PECAM1: variants seen among roughly 807,000 people sequenced by gnomAD.
The protein encoded by PECAM1 is platelet endothelial cell adhesion molecule.
In PECAM1, 8 loss-of-function variants were observed where a neutral mutation model predicts 13.8. The observed-to-expected ratio is 0.58, with a 90% CI of 0.34 to 1.05. PECAM1 has a LOEUF of 1.05. Ranked by LOEUF, PECAM1 falls within the 50% of genes least tolerant of loss-of-function variation. PECAM1 has a pLI of 0.03. For synonymous variants in PECAM1, 136 were observed against 52.6 expected, an observed-to-expected ratio of 2.58 and a Z score of -6.86; for missense variants, 304 against 141.2, an observed-to-expected ratio of 2.15 and a Z score of -5.84.
intron 15 of PECAM1, among the ~76,000 whole-genome samples, chr17:64,324,718 A>G (rs1200035054): frequency 6.6e-6 from 1 of 152,252 alleles, no homozygotes; most frequent in Non-Finnish European, 1.5e-5. Context: ...TGAAATTCTG[A>G]TATATTTTCA....
At chr17:64,368,500 A>G (rs1036279618) in intron 5 of PECAM1, among the ~76,000 whole-genome samples, 5 of 152,102 alleles carry the variant, frequency 3.3e-5, no homozygotes, top group Non-Finnish European at 7.3e-5. Context: ...CCACATCCAT[A>G]AAGTGGACAT....
intron 3 of PECAM1, among the ~76,000 whole-genome samples, chr17:64,376,971 G>A (rs983712285): frequency 7.2e-5 from 11 of 152,098 alleles, no homozygotes; most frequent in African/African-American, 2.7e-4. Flanking sequence ...GGAAGACTCT[G>A]TCTCAAAATA....
intron 13 of PECAM1, among the ~76,000 whole-genome samples, chr17:64,346,816 G>A (rs2035580783): frequency 1.3e-5 from 2 of 152,172 alleles, no homozygotes; most frequent in Admixed American, 6.5e-5. Flanking sequence ...TAAAATCAGT[G>A]CCACTGCTCA....
chr17:64,385,099 C>T (rs2036564640), intron 2 of PECAM1, among the ~76,000 whole-genome samples: 1 of 152,274 alleles, frequency 6.6e-6, no homozygotes, highest in Non-Finnish European at 1.5e-5. Context: ...GGAGAGAAGG[C>T]CCACAGATTT....
intron 13 of PECAM1, among the ~76,000 whole-genome samples, chr17:64,347,787 G>A (rs2035615799): frequency 6.7e-6 from 1 of 148,400 alleles, no homozygotes; most frequent in Non-Finnish European, 1.5e-5. Context: ...CTGGAATGCA[G>A]TGGCGCAATC....
intron 5 of PECAM1, among the ~76,000 whole-genome samples, chr17:64,366,872 C>T (rs1478994893): frequency 6.7e-6 from 1 of 149,178 alleles, no homozygotes; most frequent in Non-Finnish European, 1.5e-5. Context: ...ATACCTAATG[C>T]TAAATGACGA....
intron 14 of PECAM1, among the ~76,000 whole-genome samples, chr17:64,338,229 A>AT (rs1377599742): frequency 7.9e-6 from 1 of 125,974 alleles, no homozygotes; most frequent in Non-Finnish European, 1.6e-5. Context: ...GGTTTTTTAA[A>AT]TTTTTTAAAA....
chr17:64,340,725 G>A (rs953258402), intron 14 of PECAM1, among the ~76,000 whole-genome samples: 17 of 152,218 alleles, frequency 1.1e-4, no homozygotes, highest in East Asian at 7.7e-4. Context: ...CACGGGAAGC[G>A]AAGTGGGGCC....
Position 64,323,395 on chromosome 17 carries a change from C to A in PECAM1, c.*421G>T, listed in dbSNP as rs1297731996. The A allele has an allele frequency of 2.3e-5, 25 of 1,098,952 alleles. No homozygotes were observed. The highest frequency in any genetic ancestry group is 4.9e-5 in the Admixed American group (1 of 20,518). 68.1% of individuals were successfully genotyped at this position (1,098,952 alleles called of 1,614,324 possible). A position where few individuals can be genotyped will look rare whatever the true frequency, so the allele number is the denominator to read the frequency against. On this transcript the variant is annotated 3_prime_UTR_variant, in exon 16 of 16. Transcript: ENST00000563924. ...AAGGACCAAAGGAAAAGAGAAAAAA[C>A]CAGCCTCTAACCAGGCCATGCGCTA...
At position 64,360,265 on chromosome 17, in the gene PECAM1, T is replaced by C. The variant is rs972697478; in HGVS notation, c.1367A>G (p.Lys456Arg). Residue 456 changes from lysine (K) to arginine (R), a missense_variant, in exon 7 of 16, where the codon AAG (lysine) becomes AGG (arginine). Physicochemically the swap from Lys to Arg is conservative, Grantham distance 26 (BLOSUM62 2). Transcript: ENST00000563924. ...KTSKVLENSTKNSNDPAVFKD... is the reference protein window; with the variant it reads ...KTSKVLENSTRNSNDPAVFKD... ...GAATACCGCAGGATCATTTGAGTTC[T>C]TGGTACTATTCTCCAAAACTTTACT... The C allele has an allele frequency of 1.9e-5, 9 of 475,416 alleles. No homozygotes were observed. Among genetic ancestry groups the C allele is most frequent in the East Asian group, 6.2e-5 (2 of 32,048 alleles). The allele number at this position is 475,416 out of a possible 1,614,324, so 29.4% of individuals were successfully genotyped here. A position where few individuals can be genotyped will look rare whatever the true frequency, so the allele number is the denominator to read the frequency against.
intron 7 of PECAM1, among the ~76,000 whole-genome samples, chr17:64,358,343 TC>T (rs1169260839): frequency 3.9e-5 from 6 of 152,084 alleles, no homozygotes; most frequent in African/African-American, 1.4e-4. Flanking sequence ...AGTCTCAAAC[TC>T]CTGGGCTCAA....
At chr17:64,359,304 CCTT>C (rs1237867723) in intron 7 of PECAM1, among the ~76,000 whole-genome samples, 4 of 152,124 alleles carry the variant, frequency 2.6e-5, no homozygotes, top group African/African-American at 9.7e-5. Context: ...ACTCCTGAGG[CCTT>C]CTGAGAGGCA....
At chr17:64,385,997 A>C (rs1452202428) in intron 2 of PECAM1, among the ~76,000 whole-genome samples, 1 of 152,220 alleles carries the variant, frequency 6.6e-6, no homozygotes, top group Non-Finnish European at 1.5e-5. Flanking sequence ...GACAGCACCC[A>C]AGGCCAGTAA....
rs1385849787 is a variant in PECAM1 at position 64,388,629 on chromosome 17, G to A, written c.91+1860C>T. On this transcript the variant is annotated intron_variant, in intron 2 of 15. Coordinates refer to ENST00000563924, the MANE Select transcript of PECAM1 (RefSeq NM_000442.5). ...GTGGAAGTTCCAGTCCCAGTGCCCA[G>A]CCAACTGCCTCTCTCGTGGACAAAT... Among the ~76,000 whole-genome samples, 6 of 152,248 alleles carry A rather than the reference G, an allele frequency of 3.9e-5. No homozygotes were observed. The East Asian group carries it at 1.2e-3, about 29-fold the overall frequency.
intron 13 of PECAM1, among the ~76,000 whole-genome samples, chr17:64,347,456 G>A (rs1483408398): frequency 4.7e-5 from 7 of 149,762 alleles, no homozygotes; most frequent in South Asian, 4.2e-4. Flanking sequence ...GCTTTAACCC[G>A]GAGGCAGAGG....
intron 14 of PECAM1, among the ~76,000 whole-genome samples, chr17:64,335,821 G>A (rs1384586489): frequency 6.6e-6 from 1 of 152,144 alleles, no homozygotes; most frequent in African/African-American, 2.4e-5. Flanking sequence ...CCGCCCAACC[G>A]CAAGATAATT....
rs547119081 is a variant in PECAM1 at position 64,328,851 on chromosome 17, T to A, written c.2187+849A>T. On this transcript the variant is annotated intron_variant, in intron 15 of 15. Coordinates refer to ENST00000563924, the MANE Select transcript of PECAM1 (RefSeq NM_000442.5). Reference sequence around the variant, plus strand: ...TGGGTAGCTCACAAAAAGGTTGGGATTGGAAGACACGTCTTTGCAAAAGTT... The same window carrying A: ...TGGGTAGCTCACAAAAAGGTTGGGAATGGAAGACACGTCTTTGCAAAAGTT... 1.9e-4 allele frequency among the ~76,000 whole-genome samples: 29 copies of A among 152,294 alleles called. No homozygotes were observed. The South Asian group carries it at 6.0e-3, about 32-fold the overall frequency.
chr17:64,343,081 C>T (rs1052415889), intron 13 of PECAM1, among the ~76,000 whole-genome samples: 23 of 152,148 alleles, frequency 1.5e-4, no homozygotes, highest in Non-Finnish European at 2.1e-4. Context: ...AGCCTGATGT[C>T]GTGTGGGCCA....
chr17:64,347,560 T>TATAA (rs2035604164), intron 13 of PECAM1, among the ~76,000 whole-genome samples: 1 of 137,660 alleles, frequency 7.3e-6, no homozygotes, highest in African/African-American at 2.7e-5. Context: ...TATATATATA[T>TATAA]AAAATAAAAA....
Sources: gnomAD v4.1 joint callset for allele counts (sites outside exome capture counted in the v4.1 genomes callset) on GRCh38, gnomAD v4.1.1 for gene constraint, MANE v1.5 for transcripts, NCBI Gene and HGNC (gene_info 2026-07-23, HGNC 2026-07-21) for gene names.